HID1: variants seen among roughly 807,000 people sequenced by gnomAD.
The protein encoded by HID1 is HID1 domain containing.
HID1 carries 42 observed loss-of-function variants against 89.7 expected under a neutral mutation model. That is an observed-to-expected ratio of 0.47 (90% confidence interval 0.37 to 0.61). HID1 has a LOEUF of 0.61. Among genes scored for constraint, HID1 ranks in the 20% least tolerant of loss-of-function variants. HID1 has a pLI of 0.00. For missense variants in HID1, 854 were observed against 1,039.3 expected, an observed-to-expected ratio of 0.82 and a Z score of 2.45; for synonymous variants, 442 against 433.8, an observed-to-expected ratio of 1.02 and a Z score of -0.24.
chr17:74,958,010 A>G lies in HID1; in HGVS notation c.1471+131T>C, dbSNP rs1386225410. On this transcript the variant is annotated intron_variant, in intron 12 of 18. Coordinates refer to ENST00000425042, the MANE Select transcript of HID1 (RefSeq NM_030630.3). The surrounding 1 kb of genome is among the most constrained non-coding windows in gnomAD (Gnocchi z 5.2). ...ACCCTTTTTTTTTAATGTGGCTACT[A>G]TGAAGGGTACACAAGCTTGCGTTCT... 1.4e-6 allele frequency: 1 copy of G among 701,028 alleles called. No individual in the cohort carries two copies. The highest frequency in any genetic ancestry group is 1.8e-5 in the African/African-American group (1 of 56,058). The allele number at this position is 701,028 out of a possible 1,614,324, so 43.4% of individuals were successfully genotyped here. A position where few individuals can be genotyped will look rare whatever the true frequency, so the allele number is the denominator to read the frequency against.
In HID1 at chr17:74,962,087, A is replaced by G. The variant is rs142948898; in HGVS notation, c.612-98T>C. The G allele has an allele frequency of 1.8e-4, 208 of 1,138,324 alleles. No individual in the cohort carries two copies. In the African/African-American group the frequency reaches 2.7e-3, roughly 15 times the overall value. 70.5% of individuals were successfully genotyped at this position (1,138,324 alleles called of 1,614,324 possible). ...GCCCCAGCCCAGGTCCATGGAAGGA[A>G]GTTACTCCCGTTGACCCCTGTAAGG... On this transcript the variant is annotated intron_variant, in intron 5 of 18. Transcript: ENST00000425042. This position sits in a 1 kb window ranked among gnomAD's most constrained non-coding sequence, Gnocchi z 4.3.
At position 74,958,629 on chromosome 17, in the gene HID1, C is replaced by A. The variant is rs765643646; in HGVS notation, c.1240+44G>T. ...GGCAGATAGCCAGCCCTCCACCTCGCCGCCAGGAAAGCCCCCAGCATCCCA... is the reference window on the plus strand; with the variant it reads ...GGCAGATAGCCAGCCCTCCACCTCGACGCCAGGAAAGCCCCCAGCATCCCA... On this transcript the variant is annotated intron_variant, in intron 10 of 18. Transcript: ENST00000425042. The surrounding 1 kb of genome is among the most constrained non-coding windows in gnomAD (Gnocchi z 5.2). The A allele has an allele frequency of 6.3e-7, 1 of 1,599,612 alleles. No individual in the cohort carries two copies.
intron 17 of HID1, 35 bp from the exon 18 acceptor site, chr17:74,952,098 T>C (rs759941512): frequency 1.9e-6 from 3 of 1,552,384 alleles, no homozygotes; most frequent in South Asian, 2.4e-5. Flanking sequence ...CACACTCACG[T>C]GGTCCAGGGG....
chr17:74,965,251 T>TG (rs2039544660), intron 1 of HID1, among the ~76,000 whole-genome samples: 1 of 152,120 alleles, frequency 6.6e-6, no homozygotes, highest in Non-Finnish European at 1.5e-5. Flanking sequence ...TCCACCTCTT[T>TG]CAACCCTGCC....
intron 16 of HID1, among the ~76,000 whole-genome samples, chr17:74,952,647 C>A (rs1214998090): frequency 1.3e-5 from 2 of 152,156 alleles, no homozygotes; most frequent in African/African-American, 2.4e-5. Flanking sequence ...CCTGTCCCAG[C>A]GCAACTGGCG....
intron 16 of HID1, among the ~76,000 whole-genome samples, 156 bp from the exon 17 acceptor site, chr17:74,952,516 A>C (rs1049130022): frequency 6.6e-6 from 1 of 152,076 alleles, no homozygotes; most frequent in African/African-American, 2.4e-5. Context: ...GGGAAGAGTT[A>C]ATCCTTATTG....
chr17:74,960,107 G>A lies in HID1; in HGVS notation c.870C>T (p.Val290=), dbSNP rs139963690. 6.2e-7 allele frequency: 1 copy of A among 1,613,892 alleles called. No individual in the cohort carries two copies. Among genetic ancestry groups the A allele is most frequent in the Non-Finnish European group, 8.5e-7 (1 of 1,180,058 alleles). ...TGCTGGCACTGTCGTGGTCCAAAGT[G>A]ACAATGAGCACCTGGGCAGCCTCCT... is the stretch of plus-strand genomic sequence containing the variant. ...LVEEAAQVLI[V]TLDHDSASSA... is the part of the protein sequence containing the mutation. Residue 290 remains valine (V), a synonymous_variant, in exon 7 of 19, where the codon GTC becomes GTT. Coordinates refer to ENST00000425042, the MANE Select transcript of HID1 (RefSeq NM_030630.3).
chr17:74,966,283 C>CAAAAAAAAAAAAA (rs34312915), intron 1 of HID1, among the ~76,000 whole-genome samples: 1 of 70,940 alleles, frequency 1.4e-5, no homozygotes, highest in Non-Finnish European at 2.6e-5. Context: ...GACTCTGTCT[C>CAAAAAAAAAAAAA]AAAAAAAAAA....
At chr17:74,953,382 C>T (rs1188160611) in intron 15 of HID1, among the ~76,000 whole-genome samples, 163 bp downstream of exon 15, 1 of 152,056 alleles carries the variant, frequency 6.6e-6, no homozygotes, top group Admixed American at 6.5e-5. Context: ...AAGGCCCCCA[C>T]CCCCAAGGGA....
intron 2 of HID1, chr17:74,964,229 C>G (rs1245072777): frequency 1.7e-6 from 1 of 595,914 alleles, no homozygotes; most frequent in Non-Finnish European, 3.0e-6. Flanking sequence ...CTGGCAGTAC[C>G]CACCCCACAG....
rs775976857 is a variant in HID1, at chr17:74,952,366, G to A, written c.2053-6C>T. On this transcript the variant is annotated splice_polypyrimidine_tract_variant and splice_region_variant and intron_variant, in intron 16 of 18. Coordinates refer to ENST00000425042, the MANE Select transcript of HID1 (RefSeq NM_030630.3). Reference sequence around the variant, plus strand: ...TTCGACTTCCAGGAGAGGACCTGGCGAGGGACGGGGTTCCTGGGGCTGAGA... The same window carrying A: ...TTCGACTTCCAGGAGAGGACCTGGCAAGGGACGGGGTTCCTGGGGCTGAGA... 10 of 1,612,048 alleles carry A rather than the reference G, an allele frequency of 6.2e-6. No homozygotes were observed. Among genetic ancestry groups the A allele is most frequent in the Admixed American group, 3.3e-5 (2 of 60,002 alleles).
intron 17 of HID1, 25 bp from the exon 18 acceptor site, chr17:74,952,088 C>T: frequency 6.4e-7 from 1 of 1,553,414 alleles, no homozygotes; most frequent in South Asian, 1.2e-5. Context: ...GTATCTCCAG[C>T]ACACTCACGT....
rs937700518 is a variant in HID1, at chr17:74,963,885, G to C, written c.242C>G (p.Ala81Gly). 16 of 1,613,830 alleles carry C rather than the reference G, an allele frequency of 9.9e-6. No individual in the cohort carries two copies. Among genetic ancestry groups the C allele is most frequent in the Non-Finnish European group, 1.3e-5 (15 of 1,180,024 alleles). Reference protein sequence around the residue: ...YKAVEKLVQGAESGCHSEKEK... With the variant: ...YKAVEKLVQGGESGCHSEKEK... ...CTTCTCCGAGTGGCAGCCACTCTCAGCTCCCTGCACCAGCTTCTCAACGGC... is the reference window on the plus strand; with the variant it reads ...CTTCTCCGAGTGGCAGCCACTCTCACCTCCCTGCACCAGCTTCTCAACGGC... The change falls in exon 3 of 19, where the codon GCT becomes GGT. Residue 81 changes from alanine (A) to glycine (G), a missense_variant. By Grantham distance (60) the Ala-to-Gly change is moderately conservative. Coordinates refer to ENST00000425042, the MANE Select transcript of HID1 (RefSeq NM_030630.3).
intron 13 of HID1, chr17:74,954,955 T>C (rs72631375): frequency 5.6e-5 from 9 of 161,934 alleles, no homozygotes; most frequent in Non-Finnish European, 1.1e-4. Context: ...ACTTTGGAAA[T>C]AGCAATAATA....
rs778729629 is a variant in HID1, at chr17:74,960,211, C to T, written c.766G>A (p.Val256Met). 4.3e-6 allele frequency: 7 copies of T among 1,612,916 alleles called. No homozygotes were observed. The highest frequency in any genetic ancestry group is 1.6e-4 in the Middle Eastern group (1 of 6,084). The part of the protein sequence containing the change: ...LPLFTSLLNT[V>M]CAYDPVGYGI... ...TAGCCCACAGGGTCATAGGCACACA[C>T]GGTGTTGAGGAGGGAGGTGAAGAGG... Residue 256 changes from valine to methionine, a missense_variant, in exon 7 of 19, where the codon GTG becomes ATG. Transcript: ENST00000425042.
At position 74,959,154 on chromosome 17, in the gene HID1, C is replaced by T; in HGVS notation, c.1009-103G>A. The T allele has an allele frequency of 7.5e-7, 1 of 1,324,626 alleles. No homozygotes were observed. The highest frequency in any genetic ancestry group is 2.5e-5 in the East Asian group (1 of 39,850). The allele number at this position is 1,324,626 out of a possible 1,614,324, so 82.1% of individuals were successfully genotyped here. On this transcript the variant is annotated intron_variant, in intron 8 of 18. Coordinates refer to ENST00000425042, the MANE Select transcript of HID1 (RefSeq NM_030630.3). The surrounding 1 kb of genome is among the most constrained non-coding windows in gnomAD (Gnocchi z 4.6). ...AATCCCCCCCTCCATCCCCCAGAGC[C>T]AGATCCCACCTCCAGAGCCAGAGGG...
intron 13 of HID1, among the ~76,000 whole-genome samples, chr17:74,955,374 G>A (rs911492114): frequency 4.6e-5 from 7 of 152,064 alleles, no homozygotes; most frequent in Admixed American, 6.6e-5. Context: ...GGTGGGGGGC[G>A]CCTGTAATCC....
chr17:74,958,841 T>A lies in HID1; in HGVS notation c.1149+70A>T, dbSNP rs1328298194. On this transcript the variant is annotated intron_variant, in intron 9 of 18. Transcript: ENST00000425042. The surrounding 1 kb of genome is among the most constrained non-coding windows in gnomAD (Gnocchi z 5.2). ...TGCCCCACCCCCCTCAGTCTGACAC[T>A]GTCCCTGCCCCCGGGTTATTGGGGC... 3 of 1,588,260 alleles carry A rather than the reference T, an allele frequency of 1.9e-6. No individual in the cohort carries two copies. The East Asian group carries it at 6.7e-5, about 36-fold the overall frequency.
intron 15 of HID1, 76 bp from the exon 16 acceptor site, chr17:74,953,162 T>TC: frequency 8.3e-7 from 1 of 1,207,620 alleles, no homozygotes; most frequent in Non-Finnish European, 1.2e-6. Context: ...ATGAGCCCTC[T>TC]CCACTGGCAG....
Sources: allele counts gnomAD v4.1 joint callset (sites outside exome capture counted in the v4.1 genomes callset), GRCh38; gene constraint gnomAD v4.1.1; non-coding constraint Gnocchi (gnomAD v3.1); transcripts MANE v1.5; gene names NCBI Gene and HGNC (gene_info 2026-07-23, HGNC 2026-07-21).